Variants in CADPS2 observed in about 807,000 individuals in gnomAD.
The protein encoded by CADPS2 is calcium dependent secretion activator 2, also known as calcium-dependent secretion activator 2.
A neutral mutation model predicts 172.5 loss-of-function variants in CADPS2; 93 were observed. That is an observed-to-expected ratio of 0.54 (90% CI 0.46 to 0.64). The LOEUF (loss-of-function observed/expected upper bound fraction) is 0.64, where lower values mean the gene tolerates loss of function less well. CADPS2 is among the 30% of genes least tolerant of loss of function. CADPS2 has a pLI of 0.00. For synonymous variants in CADPS2, 546 were observed against 555.2 expected (o/e 0.98, Z 0.23); for missense variants, 1,420 against 1,565.9 (o/e 0.91, Z 1.57).
At position 122,490,275 on chromosome 7, in the gene CADPS2, T is replaced by A. The variant is rs1177672277; in HGVS notation, c.1658A>T (p.Gln553Leu). 1.2e-6 allele frequency: 2 copies of A among 1,612,562 alleles called. No homozygotes were observed. Among genetic ancestry groups the A allele is most frequent in the Non-Finnish European group, 1.7e-6 (2 of 1,179,264 alleles). Residue 553 changes from glutamine to leucine, a missense_variant, in exon 11 of 30, where the codon CAG becomes CTG. Gln to Leu is a moderately radical substitution (Grantham distance 113, BLOSUM62 -2). Coordinates refer to ENST00000449022, the MANE Select transcript of CADPS2 (RefSeq NM_017954.11). ...VDYTDPHPGL[Q>L]GGCMFFNAVK... ...AGCATTAAAGAACATACAACCACCC[T>A]GAAGGCCTGTGGAGGAAACAAAAAG...
chr7:122,363,773 T>C (rs1251342559), intron 25 of CADPS2, among the ~76,000 whole-genome samples: 1 of 152,136 alleles, frequency 6.6e-6, no homozygotes, highest in African/African-American at 2.4e-5. Flanking sequence ...ATCCATATGA[T>C]TAGCAAAATC....
chr7:122,877,884 TTA>T (rs2141658331), intron 1 of CADPS2, among the ~76,000 whole-genome samples: 1 of 152,214 alleles, frequency 6.6e-6, no homozygotes, highest in African/African-American at 2.4e-5. Flanking sequence ...GAAGGAGTAG[TTA>T]GGTCCCAGAA....
chr7:122,529,655 T>C (rs1191853205), intron 8 of CADPS2, among the ~76,000 whole-genome samples: 3 of 152,112 alleles, frequency 2.0e-5, no homozygotes, highest in Non-Finnish European at 4.4e-5. Context: ...CCCTGTCTTT[T>C]GGATGGCACC....
chr7:122,345,893 T>C (rs1456158727), intron 27 of CADPS2, among the ~76,000 whole-genome samples: 1 of 148,406 alleles, frequency 6.7e-6, no homozygotes, highest in African/African-American at 2.5e-5. Flanking sequence ...AAATTGAAAA[T>C]ACAGAGTTGT....
At chr7:122,787,902 G>A (rs536728640) in intron 1 of CADPS2, among the ~76,000 whole-genome samples, 1 of 152,278 alleles carries the variant, frequency 6.6e-6, no homozygotes, top group South Asian at 2.1e-4. Context: ...CCAGCCACCA[G>A]CTTAAAAAAC....
intron 14 of CADPS2, among the ~76,000 whole-genome samples, chr7:122,460,289 T>C (rs886824097): frequency 6.6e-6 from 1 of 150,974 alleles, no homozygotes; most frequent in African/African-American, 2.4e-5. Context: ...CAAATGAACC[T>C]GATGAAAGCA....
intron 6 of CADPS2, among the ~76,000 whole-genome samples, chr7:122,583,858 A>T (rs1328118802): frequency 1.3e-5 from 2 of 151,190 alleles, no homozygotes; most frequent in African/African-American, 4.8e-5. Flanking sequence ...CATCATATAC[A>T]TATGTATATA....
intron 17 of CADPS2, chr7:122,424,214 C>G: frequency 2.1e-6 from 1 of 469,330 alleles, no homozygotes; most frequent in Non-Finnish European, 2.8e-6. Flanking sequence ...CATTTAATGA[C>G]CCTGCCATTT....
intron 27 of CADPS2, among the ~76,000 whole-genome samples, chr7:122,359,879 A>T (rs1373469771): frequency 3.3e-5 from 5 of 152,220 alleles, no homozygotes; most frequent in African/African-American, 1.2e-4. Flanking sequence ...CAGCAGCAAT[A>T]AAGCCAGAGA....
intron 6 of CADPS2, among the ~76,000 whole-genome samples, chr7:122,588,822 AGAAG>A (rs2070232992): frequency 6.6e-6 from 1 of 151,970 alleles, no homozygotes; most frequent in Non-Finnish European, 1.5e-5. Flanking sequence ...ATATTTGGTG[AGAAG>A]GTAGATGGGC....
chr7:122,654,760 T>C (rs2079547148), intron 3 of CADPS2, among the ~76,000 whole-genome samples: 1 of 152,192 alleles, frequency 6.6e-6, no homozygotes, highest in Non-Finnish European at 1.5e-5. Flanking sequence ...ATTTTGACTT[T>C]CGAGTCTTAT....
chr7:122,461,896 C>T (rs2054495052), intron 14 of CADPS2, among the ~76,000 whole-genome samples: 1 of 152,098 alleles, frequency 6.6e-6, no homozygotes, highest in Admixed American at 6.5e-5. Context: ...GCCTGGCCTG[C>T]CAAGAGCCTT....
chr7:122,391,642 C>G (rs2044377523), intron 22 of CADPS2, among the ~76,000 whole-genome samples: 1 of 152,096 alleles, frequency 6.6e-6, no homozygotes, highest in African/African-American at 2.4e-5. Flanking sequence ...AAAAAAAATT[C>G]ACATGTAACA....
intron 7 of CADPS2, among the ~76,000 whole-genome samples, chr7:122,565,330 G>A (rs1032266202): frequency 2.0e-5 from 3 of 151,958 alleles, no homozygotes; most frequent in African/African-American, 7.3e-5. Flanking sequence ...GGAGTATGAG[G>A]TTGAGAAATC....
intron 4 of CADPS2, among the ~76,000 whole-genome samples, chr7:122,625,155 A>G (rs2075964162): frequency 6.6e-6 from 1 of 151,950 alleles, no homozygotes; most frequent in African/African-American, 2.4e-5. Flanking sequence ...GTTTCAAGTG[A>G]TTCTCCTGCC....
At chr7:122,736,857 CA>C in intron 2 of CADPS2, 97 bp downstream of exon 2, 1 of 651,236 alleles carries the variant, frequency 1.5e-6, no homozygotes, top group South Asian at 2.0e-5. Context: ...GCCTTCCTGT[CA>C]GACCAGCAAG....
At chr7:122,544,865 T>C (rs1429109681) in intron 8 of CADPS2, among the ~76,000 whole-genome samples, 1 of 152,256 alleles carries the variant, frequency 6.6e-6, no homozygotes, top group African/African-American at 2.4e-5. Context: ...CAACCTACCA[T>C]ACGTACAAAT....
chr7:122,719,476 T>G, intron 2 of CADPS2, among the ~76,000 whole-genome samples: 1 of 152,034 alleles, frequency 6.6e-6, no homozygotes. Context: ...TGACGCCAAT[T>G]TGAAAAACAA....
intron 6 of CADPS2, among the ~76,000 whole-genome samples, chr7:122,596,979 C>A (rs922040542): frequency 2.0e-5 from 3 of 152,012 alleles, no homozygotes; most frequent in Non-Finnish European, 2.9e-5. Flanking sequence ...GGGGAGCTGG[C>A]ATGTGCAGAG....
Sources: allele counts gnomAD v4.1 joint callset (sites outside exome capture counted in the v4.1 genomes callset), GRCh38; gene constraint gnomAD v4.1.1; transcripts MANE v1.5; gene names NCBI Gene and HGNC (gene_info 2026-07-23, HGNC 2026-07-21).